Variants in CGA observed in about 807,000 individuals in gnomAD.
CGA encodes the protein glycoprotein hormones, alpha polypeptide, also known as glycoprotein hormones alpha chain.
A neutral mutation model predicts 12.0 loss-of-function variants in CGA; 4 were observed. That is an observed-to-expected ratio of 0.33 (90% CI 0.16 to 0.76). The LOEUF (loss-of-function observed/expected upper bound fraction) is 0.76, where lower values mean the gene tolerates loss of function less well. Among genes scored for constraint, CGA ranks in the 30% least tolerant of loss-of-function variants. CGA has a pLI of 0.60. For missense variants in CGA, 102 were observed against 143.5 expected (o/e 0.71, Z 1.48); for synonymous variants, 60 against 56.6 (o/e 1.06, Z -0.27).
chr6:87,087,913 G>T (rs1769353283), intron 2 of CGA, 200 bp downstream of exon 2: 1 of 374,548 alleles, frequency 2.7e-6, no homozygotes, highest in Admixed American at 4.5e-5. Flanking sequence ...AAATGGTTGT[G>T]TAAGATATCA....
intron 1 of CGA, among the ~76,000 whole-genome samples, chr6:87,090,503 T>A (rs1353939650): frequency 2.0e-5 from 3 of 152,168 alleles, no homozygotes. Flanking sequence ...AAAAAATAAA[T>A]ATATGTTATA....
At chr6:87,093,722 T>C (rs754466362) in intron 1 of CGA, among the ~76,000 whole-genome samples, 1 of 152,252 alleles carries the variant, frequency 6.6e-6, no homozygotes, top group African/African-American at 2.4e-5. Flanking sequence ...TGAGTTTTCA[T>C]GTAAATTTGG....
chr6:87,093,889 A>T (rs922219219), intron 1 of CGA, among the ~76,000 whole-genome samples: 2 of 152,216 alleles, frequency 1.3e-5, no homozygotes, highest in African/African-American at 4.8e-5. Context: ...ACTGCAAAAA[A>T]AATAATAAAC....
intron 1 of CGA, among the ~76,000 whole-genome samples, chr6:87,091,141 A>G (rs1468463227): frequency 3.3e-5 from 5 of 152,216 alleles, no homozygotes; most frequent in Admixed American, 3.3e-4. Context: ...TATCAGAATT[A>G]ATTCAGAGAG....
Position 87,086,331 on chromosome 6 carries a change from T to C in CGA, c.192A>G (p.Pro64=). The C allele has an allele frequency of 6.2e-7, 1 of 1,613,942 alleles. No homozygotes were observed. Among genetic ancestry groups the C allele is most frequent in the Non-Finnish European group, 8.5e-7 (1 of 1,179,974 alleles). Residue 64 remains proline, a synonymous_variant, in exon 3 of 4, where the codon CCA becomes CCG. Transcript: ENST00000627148. ...GCCFSRAYPT[P]LRSKKTMLVQ... is the part of the protein sequence containing the mutation. ...CCAACATCGTCTTCTTGGACCTTAG[T>C]GGAGTGGGATATGCTCTAGAGAAGC...
intron 3 of CGA, 118 bp from the exon 4 acceptor site, chr6:87,085,951 A>T (rs993464269): frequency 1.3e-6 from 1 of 773,808 alleles, no homozygotes; most frequent in African/African-American, 1.7e-5. Flanking sequence ...GTAGATGCAT[A>T]CTACATTTGC....
rs183638396 is a variant in CGA, at chr6:87,085,589, T to C, written c.*167A>G. The C allele has an allele frequency of 4.6e-5, 28 of 607,464 alleles. No homozygotes were observed. In the Admixed American group the frequency reaches 7.3e-4, roughly 16 times the overall value. The allele number at this position is 607,464 out of a possible 1,614,324, so 37.6% of individuals were successfully genotyped here. ...AAAAGAACTAGACTGCTGATTGTAC[T>C]GTAGGATAAGGAGGAAGGCAGTAAA... On this transcript the variant is annotated 3_prime_UTR_variant, in exon 4 of 4. Transcript: ENST00000627148.
intron 1 of CGA, among the ~76,000 whole-genome samples, chr6:87,089,348 A>T (rs1300029786): frequency 6.6e-6 from 1 of 150,960 alleles, no homozygotes; most frequent in Non-Finnish European, 1.5e-5. Flanking sequence ...CATGGGATAA[A>T]ACTGCATAAC....
rs1180481000 is a variant in CGA, at chr6:87,085,808, A to G, written c.299T>C (p.Val100Ala). The G allele has an allele frequency of 1.9e-6, 3 of 1,612,256 alleles. No homozygotes were observed. The highest frequency in any genetic ancestry group is 2.5e-6 in the Non-Finnish European group (3 of 1,178,510). ...GCAGTGGCACGCCGTGTGGTTCTCC[A>G]CTTTGAAACCCCCCATTACTGTGAC... Reference protein sequence around the residue: ...NRVTVMGGFKVENHTACHCST... With the variant: ...NRVTVMGGFKAENHTACHCST... Residue 100 changes from valine to alanine, a missense_variant, in exon 4 of 4, where the codon GTG (valine) becomes GCG (alanine). Coordinates refer to ENST00000627148, the MANE Select transcript of CGA (RefSeq NM_000735.4).
At chr6:87,089,219 G>A (rs974902399) in intron 1 of CGA, 1 of 152,206 alleles carries the variant, frequency 6.6e-6, no homozygotes, top group Non-Finnish European at 1.5e-5. Flanking sequence ...TGGTTTCAAA[G>A]AGTTAGCACT....
intron 1 of CGA, among the ~76,000 whole-genome samples, chr6:87,094,318 C>A (rs181584703): frequency 2.0e-5 from 3 of 152,220 alleles, no homozygotes; most frequent in African/African-American, 7.2e-5. Flanking sequence ...AATCAGCCAC[C>A]AATTAATGCT....
intron 2 of CGA, 184 bp downstream of exon 2, chr6:87,087,929 A>C: frequency 2.5e-6 from 1 of 393,976 alleles, no homozygotes. Flanking sequence ...TATCATTTTC[A>C]CTGCACATTT....
In CGA at chr6:87,088,175, G is replaced by A. The variant is rs2127754398; in HGVS notation, c.26C>T (p.Ala9Val). 1.3e-6 allele frequency: 2 copies of A among 1,587,050 alleles called. No individual in the cohort carries two copies. Among genetic ancestry groups the A allele is most frequent in the Non-Finnish European group, 1.7e-6 (2 of 1,167,242 alleles). The change falls in exon 2 of 4, where the codon GCT becomes GTT. Residue 9 changes from alanine (A) to valine (V), a missense_variant. Transcript: ENST00000627148. MDYYRKYA[A>V]IFLVTLSVFL... is the part of the protein sequence containing the mutation. ...CACCGACAATGTGACCAGAAAGATA[G>A]CTGCATATTTTCTGTAGTAATCCAT...
rs940697436 is a variant in CGA, at chr6:87,088,212, A to T, written c.-7-5T>A. 17 of 1,363,004 alleles carry T rather than the reference A, an allele frequency of 1.2e-5. No individual in the cohort carries two copies. The highest frequency in any genetic ancestry group is 1.5e-5 in the Non-Finnish European group (15 of 1,014,030). 84.4% of individuals were successfully genotyped at this position (1,363,004 alleles called of 1,614,324 possible). The stretch of plus-strand genomic sequence containing the variant: ...CTGTAGTAATCCATGGCGCTCCTGC[A>T]GACAGACATGGCAAAAAAAAAAAAA... On this transcript the variant is annotated splice_polypyrimidine_tract_variant and splice_region_variant and intron_variant, in intron 1 of 3. Coordinates refer to ENST00000627148, the MANE Select transcript of CGA (RefSeq NM_000735.4).
intron 1 of CGA, among the ~76,000 whole-genome samples, chr6:87,090,436 C>A (rs1184670548): frequency 6.6e-6 from 1 of 151,762 alleles, no homozygotes; most frequent in African/African-American, 2.4e-5. Flanking sequence ...AAGAGTTTTG[C>A]AAAAGGGTAA....
rs755211299 is a variant in CGA, at chr6:87,088,055, T to A, written c.88+58A>T. 58 of 884,346 alleles carry A rather than the reference T, an allele frequency of 6.6e-5. 1 individual carries two copies. Among genetic ancestry groups the A allele is most frequent in the Non-Finnish European group, 9.2e-5 (53 of 575,376 alleles). The allele number at this position is 884,346 out of a possible 1,614,324, so 54.8% of individuals were successfully genotyped here. On this transcript the variant is annotated intron_variant, in intron 2 of 3. Coordinates refer to ENST00000627148, the MANE Select transcript of CGA (RefSeq NM_000735.4). ...GAAATGTAATTAATGGAGTTATTGA[T>A]GTACATCTAGAAATGTGTGTTGTCC...
In CGA at chr6:87,086,573, T is replaced by C. The variant is rs139097763; in HGVS notation, c.89-139A>G. 94 of 713,124 alleles carry C rather than the reference T, an allele frequency of 1.3e-4. No homozygotes were observed. The African/African-American group carries it at 1.6e-3, about 12-fold the overall frequency. 44.2% of individuals were successfully genotyped at this position (713,124 alleles called of 1,614,324 possible). On this transcript the variant is annotated intron_variant, in intron 2 of 3. Transcript: ENST00000627148. The stretch of plus-strand genomic sequence containing the variant: ...GGGTGGATTGCTTGAGCTCAGGAGT[T>C]TGAGAGCAGCCTGGGCAACATGGTG...
At chr6:87,091,541 A>T (rs1769431335) in intron 1 of CGA, among the ~76,000 whole-genome samples, 1 of 152,192 alleles carries the variant, frequency 6.6e-6, no homozygotes, top group Non-Finnish European at 1.5e-5. Flanking sequence ...TTCTTTTGGT[A>T]TTTCACATGA....
chr6:87,085,647 G>T lies in CGA; in HGVS notation c.*109C>A, dbSNP rs771538711. The T allele has an allele frequency of 1.3e-6, 1 of 745,718 alleles. No individual in the cohort carries two copies. Among genetic ancestry groups the T allele is most frequent in the Non-Finnish European group, 2.4e-6 (1 of 420,844 alleles). 46.2% of individuals were successfully genotyped at this position (745,718 alleles called of 1,614,324 possible). On this transcript the variant is annotated 3_prime_UTR_variant, in exon 4 of 4. Transcript: ENST00000627148. Reference sequence around the variant, plus strand: ...TATATCCTTGAAGCGTGTCAAAGTGGTATGGTAAGGAAAAGGAGAGTTTTA... The same window carrying T: ...TATATCCTTGAAGCGTGTCAAAGTGTTATGGTAAGGAAAAGGAGAGTTTTA...
Sources: gnomAD v4.1 joint callset for allele counts (sites outside exome capture counted in the v4.1 genomes callset) on GRCh38, gnomAD v4.1.1 for gene constraint, MANE v1.5 for transcripts, NCBI Gene and HGNC (gene_info 2026-07-23, HGNC 2026-07-21) for gene names.